Variants in TTBK2 observed in about 807,000 individuals in gnomAD.
The protein encoded by TTBK2 is tau-tubulin kinase 2.
Under a neutral mutation model 110.8 loss-of-function variants are expected in TTBK2, and 28 were observed. The ratio of observed to expected loss-of-function variants is 0.25; its 90% CI spans 0.19 to 0.35. The LOEUF is 0.35. TTBK2 is among the 10% of genes least tolerant of loss of function. The pLI, the probability that TTBK2 is intolerant of heterozygous loss-of-function variation, is 1.00. For missense variants in TTBK2, 1,369 were observed against 1,500.3 expected (o/e 0.91, Z 1.45); for synonymous variants, 532 against 527.3 (o/e 1.01, Z -0.12).
intron 4 of TTBK2, among the ~76,000 whole-genome samples, chr15:42,833,677 A>G (rs902840344): frequency 1.3e-5 from 2 of 152,118 alleles, no homozygotes; most frequent in Admixed American, 1.3e-4. Context: ...GTTCAAGACC[A>G]GCCTGGGCAA....
intron 3 of TTBK2, among the ~76,000 whole-genome samples, chr15:42,862,536 A>T (rs1174112459): frequency 6.6e-6 from 1 of 152,184 alleles, no homozygotes; most frequent in Non-Finnish European, 1.5e-5. Context: ...AAAATCCAAC[A>T]TTCCTTCATG....
intron 13 of TTBK2, among the ~76,000 whole-genome samples, chr15:42,772,232 C>CGAAG (rs1208443978): frequency 6.6e-6 from 1 of 152,010 alleles, no homozygotes; most frequent in Admixed American, 6.5e-5. Flanking sequence ...CACCTCTCTT[C>CGAAG]CCCCATTTCT....
intron 13 of TTBK2, among the ~76,000 whole-genome samples, chr15:42,756,700 C>T (rs1287898332): frequency 1.6e-4 from 24 of 151,918 alleles, no homozygotes; most frequent in Non-Finnish European, 1.5e-5. Flanking sequence ...TGTGCACATA[C>T]ATATGGTATA....
At chr15:42,876,668 T>C (rs1205183247) in intron 2 of TTBK2, among the ~76,000 whole-genome samples, 1 of 152,218 alleles carries the variant, frequency 6.6e-6, no homozygotes, top group African/African-American at 2.4e-5. Flanking sequence ...TTAAAATAGC[T>C]TTGTGAAACC....
Position 42,746,029 on chromosome 15 carries a change from T to C in TTBK2, c.3501A>G (p.Ser1167=). ...GGTGGGGCCGTCCAGCCCTAGATGG[T>C]GAGGAACTAGACGTGCGAGGCAAGG... The part of the protein sequence containing the change: ...SSSLPRTSSS[S]PSRAGRPHHD... The change falls in exon 15 of 15, where the codon TCA becomes TCG. Residue 1167 remains serine (S), a synonymous_variant. Transcript: ENST00000267890. 1 of 1,613,918 alleles carries C rather than the reference T, an allele frequency of 6.2e-7. No homozygotes were observed. The highest frequency in any genetic ancestry group is 1.1e-5 in the South Asian group (1 of 91,060).
chr15:42,806,167 A>G (rs1891459904), intron 9 of TTBK2, among the ~76,000 whole-genome samples: 1 of 152,196 alleles, frequency 6.6e-6, no homozygotes, highest in African/African-American at 2.4e-5. Flanking sequence ...TGGAAGGCTG[A>G]GGCAGAGAAT....
intron 6 of TTBK2, among the ~76,000 whole-genome samples, chr15:42,817,486 G>A (rs896687600): frequency 1.3e-5 from 2 of 151,996 alleles, no homozygotes; most frequent in African/African-American, 4.8e-5. Context: ...AGATGGTGAG[G>A]AATCACTAAG....
Position 42,777,086 on chromosome 15 carries a change from C to T in TTBK2, c.1354G>A (p.Glu452Lys), listed in dbSNP as rs527763642. 2.1e-4 allele frequency: 338 copies of T among 1,614,110 alleles called. 5 individuals carry two copies. In the South Asian group the frequency reaches 2.6e-3, roughly 13 times the overall value. ...KLRSIHSFEL[E>K]KRLTLEPKPD... ...TTTGGCTCCAGGGTCAGACGTTTTT[C>T]CAGCTCAAAGCTGTGAATGGAACGT... The change falls in exon 12 of 15, where the codon GAA becomes AAA. Residue 452 changes from glutamate to lysine, a missense_variant. Physicochemically the swap from Glu to Lys is moderately conservative, Grantham distance 56. This residue lies in a region of TTBK2 where 1,097 missense variants were observed against 1,114.7 expected (regional missense o/e 0.98). Transcript: ENST00000267890.
intron 1 of TTBK2, among the ~76,000 whole-genome samples, chr15:42,913,967 A>G (rs1420395246): frequency 6.6e-6 from 1 of 151,908 alleles, no homozygotes; most frequent in Non-Finnish European, 1.5e-5. Context: ...TAACATTTTA[A>G]GTATATTAAC....
At chr15:42,858,501 T>C (rs1292520372) in intron 3 of TTBK2, among the ~76,000 whole-genome samples, 1 of 152,254 alleles carries the variant, frequency 6.6e-6, no homozygotes, top group Admixed American at 6.5e-5. Context: ...TATATAATTC[T>C]ATTTTGGTAC....
chr15:42,890,005 C>A (rs1380045444), intron 1 of TTBK2, among the ~76,000 whole-genome samples: 1 of 152,178 alleles, frequency 6.6e-6, no homozygotes, highest in East Asian at 1.9e-4. Context: ...CTCCTGTGAC[C>A]TGCACGTATA....
intron 14 of TTBK2, among the ~76,000 whole-genome samples, chr15:42,751,072 TAAAGGGAGTCCTGTAGGTTGAAATG>T (rs1275848631): frequency 6.6e-6 from 1 of 152,178 alleles, no homozygotes; most frequent in Non-Finnish European, 1.5e-5. Flanking sequence ...CAAGAAATGC[TAAAGGGAGTCCTGTAGGTTGAAATG>T]AAAGGGCGCC....
intron 1 of TTBK2, among the ~76,000 whole-genome samples, chr15:42,914,719 T>C (rs1001282066): frequency 6.6e-6 from 1 of 152,230 alleles, no homozygotes; most frequent in South Asian, 2.1e-4. Context: ...AAAACATTTA[T>C]TTTGTCATTA....
intron 3 of TTBK2, among the ~76,000 whole-genome samples, chr15:42,855,872 C>T (rs765032964): frequency 2.6e-5 from 4 of 152,036 alleles, no homozygotes; most frequent in Admixed American, 6.6e-5. Context: ...TTAGTAGAGA[C>T]GGGGTTTCAC....
chr15:42,773,488 T>C (rs1318277711), intron 13 of TTBK2, among the ~76,000 whole-genome samples: 13 of 151,914 alleles, frequency 8.6e-5, no homozygotes, highest in Admixed American at 8.5e-4. Flanking sequence ...CAAAGATATC[T>C]AAAAATAAGG....
intron 13 of TTBK2, among the ~76,000 whole-genome samples, chr15:42,763,626 A>G (rs927983904): frequency 6.6e-6 from 1 of 152,150 alleles, no homozygotes; most frequent in Admixed American, 6.5e-5. Context: ...TCTAGTCACT[A>G]TACATTGTAT....
intron 10 of TTBK2, among the ~76,000 whole-genome samples, chr15:42,791,940 G>A (rs976279748): frequency 1.3e-5 from 2 of 152,136 alleles, no homozygotes; most frequent in African/African-American, 4.8e-5. Flanking sequence ...TCAGGATTTC[G>A]AGGCCAGCCT....
At chr15:42,760,710 T>C (rs1339178104) in intron 13 of TTBK2, among the ~76,000 whole-genome samples, 3 of 152,216 alleles carry the variant, frequency 2.0e-5, no homozygotes, top group African/African-American at 4.8e-5. Context: ...AGGTATCTCA[T>C]GCTCTTGTAT....
chr15:42,885,695 C>T (rs1369474081), intron 1 of TTBK2, among the ~76,000 whole-genome samples: 1 of 152,120 alleles, frequency 6.6e-6, no homozygotes, highest in Admixed American at 6.5e-5. Flanking sequence ...ACCCCTTCTC[C>T]ACTTTCCTGG....
Sources: allele counts gnomAD v4.1 joint callset (sites outside exome capture counted in the v4.1 genomes callset), GRCh38; gene constraint gnomAD v4.1.1; regional missense constraint gnomAD v4.1.1; transcripts MANE v1.5; gene names NCBI Gene and HGNC (gene_info 2026-07-23, HGNC 2026-07-21).